PCDHGA7: variants seen among roughly 807,000 people sequenced by gnomAD.
PCDHGA7 encodes the protein protocadherin gamma subfamily A, 7.
In PCDHGA7, 44 loss-of-function variants were observed where a neutral mutation model predicts 58.3. That is an observed-to-expected ratio of 0.75 (90% CI 0.59 to 0.97). The LOEUF (loss-of-function observed/expected upper bound fraction) is 0.97. Among genes scored for constraint, PCDHGA7 ranks in the 50% least tolerant of loss-of-function variants. The pLI is 0.00. For synonymous variants in PCDHGA7, 516 were observed against 504.2 expected, an observed-to-expected ratio of 1.02 and a Z score of -0.31; for missense variants, 1,266 against 1,188.7, an observed-to-expected ratio of 1.06 and a Z score of -0.96.
At chr5:141,508,124 G>C (rs1248096612) in intron 3 of PCDHGA7, 1 of 152,640 alleles carries the variant, frequency 6.6e-6, no homozygotes, top group Non-Finnish European at 1.5e-5. Flanking sequence ...AGGACAGAGG[G>C]AGGTCAGGGA....
At chr5:141,400,191 A>G (rs781032596) in intron 1 of PCDHGA7, 2 of 1,613,970 alleles carry the variant, frequency 1.2e-6, no homozygotes, top group Non-Finnish European at 1.7e-6. Context: ...AGTTTTACCT[A>G]GTGGTGGCCT....
intron 1 of PCDHGA7, chr5:141,421,613 A>T (rs2096587756): frequency 6.2e-7 from 1 of 1,613,720 alleles, no homozygotes; most frequent in Admixed American, 1.7e-5. Context: ...GATATTAATG[A>T]TAACGCCCCC....
intron 1 of PCDHGA7, chr5:141,415,388 G>A (rs752789407): frequency 1.2e-6 from 2 of 1,614,236 alleles, no homozygotes; most frequent in Non-Finnish European, 1.7e-6. Context: ...GGCTTGACAG[G>A]TGTGTCCGGC....
At chr5:141,458,094 A>G (rs1036190372) in intron 1 of PCDHGA7, among the ~76,000 whole-genome samples, 3 of 152,260 alleles carry the variant, frequency 2.0e-5, no homozygotes, top group African/African-American at 7.2e-5. Context: ...AGTTAAGAGT[A>G]CTTACAGATA....
rs769351399 is a variant in PCDHGA7, at chr5:141,432,649, A to G, written c.2424+47326A>G. The G allele has an allele frequency of 6.2e-7, 1 of 1,613,742 alleles. No homozygotes were observed. The highest frequency in any genetic ancestry group is 1.1e-5 in the South Asian group (1 of 91,054). ...ACACGGGCGAGGTGCGCACGGCGCG[A>G]GCCCTGCTGGACAGAGACGCGCTCA... is the stretch of plus-strand genomic sequence containing the variant. On this transcript the variant is annotated intron_variant, in intron 1 of 3. Coordinates refer to ENST00000518325, the MANE Select transcript of PCDHGA7 (RefSeq NM_018920.4). The surrounding 1 kb of genome is among the most constrained non-coding windows in gnomAD (Gnocchi z 6.0).
At chr5:141,495,236 A>G (rs2099759742) in intron 2 of PCDHGA7, among the ~76,000 whole-genome samples, 1 of 152,168 alleles carries the variant, frequency 6.6e-6, no homozygotes, top group South Asian at 2.1e-4. Flanking sequence ...GGGCTCCATT[A>G]TGACCTGGGG....
At chr5:141,389,445 G>A (rs749321526) in intron 1 of PCDHGA7, 7 of 1,610,526 alleles carry the variant, frequency 4.3e-6, no homozygotes, top group Non-Finnish European at 5.1e-6. Context: ...CTTCGACCAC[G>A]AGCAGCTGCG....
At chr5:141,430,633 C>T in intron 1 of PCDHGA7, 1 of 868,018 alleles carries the variant, frequency 1.2e-6, no homozygotes, top group Non-Finnish European at 1.7e-6. Context: ...ATGAACCATC[C>T]CTGGGAGTAT....
chr5:141,484,512 G>A (rs1178383152), intron 1 of PCDHGA7, among the ~76,000 whole-genome samples: 47 of 152,196 alleles, frequency 3.1e-4, no homozygotes, highest in Non-Finnish European at 4.0e-4. Context: ...TTCTGCAGAA[G>A]GGCAGAGTTT....
chr5:141,443,443 G>A (rs2098388456), intron 1 of PCDHGA7, among the ~76,000 whole-genome samples: 1 of 152,124 alleles, frequency 6.6e-6, no homozygotes, highest in African/African-American at 2.4e-5. Flanking sequence ...CTGTGGTTGC[G>A]CTCCTGTACT....
chr5:141,510,222 G>A (rs891688596), intron 3 of PCDHGA7, among the ~76,000 whole-genome samples: 3 of 151,498 alleles, frequency 2.0e-5, no homozygotes, highest in Admixed American at 6.6e-5. Context: ...GCAGTGAGCC[G>A]GGATCGCGCC....
rs149653507 is a variant in PCDHGA7 at position 141,469,869 on chromosome 5, G to A, written c.2425-24938G>A. Among the ~76,000 whole-genome samples, 591 of 152,290 alleles carry A rather than the reference G, an allele frequency of 3.9e-3. 6 individuals are homozygous for A. Among genetic ancestry groups the A allele is most frequent in the Admixed American group, 0.011 (171 of 15,304 alleles). On this transcript the variant is annotated intron_variant, in intron 1 of 3. Transcript: ENST00000518325. ...ATTCAGACCGGGTGCAATGGCTCACGCCTGTAATCTCGGCACTTTGGGAAG... is the reference window on the plus strand; with the variant it reads ...ATTCAGACCGGGTGCAATGGCTCACACCTGTAATCTCGGCACTTTGGGAAG...
intron 1 of PCDHGA7, among the ~76,000 whole-genome samples, chr5:141,462,868 T>C (rs1232965498): frequency 6.6e-6 from 1 of 152,228 alleles, no homozygotes; most frequent in East Asian, 1.9e-4. Context: ...TTTGTCTTTC[T>C]TTAAGAACTA....
At position 141,490,707 on chromosome 5, in the gene PCDHGA7, C is replaced by T; in HGVS notation, c.2425-4100C>T. ...CAGACACTGGGGATAATGCCCGCCT[C>T]ACCTACTCCATTGTAGGAAATCAGG... On this transcript the variant is annotated intron_variant, in intron 1 of 3. Transcript: ENST00000518325. The surrounding 1 kb of genome is among the most constrained non-coding windows in gnomAD (Gnocchi z 5.4). The T allele has an allele frequency of 3.1e-6, 5 of 1,614,194 alleles. No individual in the cohort carries two copies. Among genetic ancestry groups the T allele is most frequent in the Non-Finnish European group, 3.4e-6 (4 of 1,180,008 alleles).
Position 141,489,087 on chromosome 5 carries a change from TGA to T in PCDHGA7, c.2425-5719_2425-5718del. The T allele has an allele frequency of 4.6e-6, 1 of 216,098 alleles. No individual in the cohort carries two copies. 13.4% of individuals were successfully genotyped at this position (216,098 alleles called of 1,614,324 possible). ...CCCCCTGCCCACCCCCGCCACTCGGTGACTAAGAACTGCTGCAAGCAGGCAAA... is the reference window on the plus strand; with the variant it reads ...CCCCCTGCCCACCCCCGCCACTCGGTCTAAGAACTGCTGCAAGCAGGCAAA... On this transcript the variant is annotated intron_variant, in intron 1 of 3. Transcript: ENST00000518325. The surrounding 1 kb of genome is among the most constrained non-coding windows in gnomAD (Gnocchi z 4.5).
chr5:141,459,939 G>A (rs377668643), intron 1 of PCDHGA7, among the ~76,000 whole-genome samples: 7 of 152,256 alleles, frequency 4.6e-5, no homozygotes, highest in Non-Finnish European at 7.4e-5. Flanking sequence ...GTAGCTGGGC[G>A]TGATGGCAGG....
At position 141,384,373 on chromosome 5, in the gene PCDHGA7, G is replaced by A. The variant is rs916805364; in HGVS notation, c.1474G>A (p.Ala492Thr). 27 of 1,613,764 alleles carry A rather than the reference G, an allele frequency of 1.7e-5. No homozygotes were observed. The highest frequency in any genetic ancestry group is 2.1e-5 in the Non-Finnish European group (25 of 1,179,894). ...EDNAQITYSL[A>T]EDTIQGAPVS... ...TAATGCCCAGATCACTTATTCCTTGGCCGAAGACACCATCCAGGGGGCTCC... is the reference window on the plus strand; with the variant it reads ...TAATGCCCAGATCACTTATTCCTTGACCGAAGACACCATCCAGGGGGCTCC... Residue 492 changes from alanine (A) to threonine (T), a missense_variant, in exon 1 of 4, where the codon GCC (alanine) becomes ACC (threonine). By Grantham distance (58) the Ala-to-Thr change is moderately conservative. Coordinates refer to ENST00000518325, the MANE Select transcript of PCDHGA7 (RefSeq NM_018920.4).
intron 1 of PCDHGA7, among the ~76,000 whole-genome samples, chr5:141,435,011 A>G (rs2097737147): frequency 6.6e-6 from 1 of 152,126 alleles, no homozygotes; most frequent in African/African-American, 2.4e-5. Flanking sequence ...TTTATCAATG[A>G]TAATGCTCTT....
At chr5:141,409,893 A>G in intron 1 of PCDHGA7, 2 of 1,613,138 alleles carry the variant, frequency 1.2e-6, no homozygotes, top group Middle Eastern at 3.3e-4. Flanking sequence ...CGGGTGCTGT[A>G]CCCAGCTCTG....
Sources: gnomAD v4.1 joint callset for allele counts (sites outside exome capture counted in the v4.1 genomes callset) on GRCh38, gnomAD v4.1.1 for gene constraint, Gnocchi (gnomAD v3.1) non-coding constraint, MANE v1.5 for transcripts, NCBI Gene and HGNC (gene_info 2026-07-23, HGNC 2026-07-21) for gene names.